The following TDRD9 variants were observed in gnomAD, a reference collection of about 807,000 sequenced individuals.
TDRD9 encodes ATP-dependent RNA helicase TDRD9.
Under a neutral mutation model 172.6 loss-of-function variants are expected in TDRD9, and 124 were observed. The observed-to-expected ratio is 0.72, with a 90% CI of 0.62 to 0.83. The LOEUF is 0.83. Among genes scored for constraint, TDRD9 ranks in the 40% least tolerant of loss-of-function variants. The pLI is 0.00. For synonymous variants in TDRD9, 619 were observed against 617.1 expected (o/e 1.00, Z -0.05); for missense variants, 1,479 against 1,714.1 (o/e 0.86, Z 2.42).
At chr14:103,979,565 C>T (rs2033389057) in intron 7 of TDRD9, among the ~76,000 whole-genome samples, 1 of 152,194 alleles carries the variant, frequency 6.6e-6, no homozygotes, top group South Asian at 2.1e-4. Flanking sequence ...AGAACTCAGT[C>T]TCCCCAAGGG....
chr14:104,014,996 A>G (rs2152230955), intron 21 of TDRD9, among the ~76,000 whole-genome samples, 155 bp downstream of exon 21: 1 of 152,334 alleles, frequency 6.6e-6, no homozygotes, highest in South Asian at 2.1e-4. Flanking sequence ...GGAACCAGGA[A>G]ACATTCTTCT....
chr14:103,975,370 GT>G lies in TDRD9; in HGVS notation c.847-15del. On this transcript the variant is annotated intron_variant, in intron 6 of 35. Transcript: ENST00000409874. ...ATGATTCTCATTGTTTTATTTGAAT[GT>G]TTTCTCTTACTCTGTAGGTGGTCCT... The G allele has an allele frequency of 6.3e-7, 1 of 1,596,000 alleles. No individual in the cohort carries two copies. The highest frequency in any genetic ancestry group is 1.1e-5 in the South Asian group (1 of 88,430).
At chr14:103,984,811 A>G (rs1190273738) in intron 7 of TDRD9, among the ~76,000 whole-genome samples, 1 of 152,180 alleles carries the variant, frequency 6.6e-6, no homozygotes, top group African/African-American at 2.4e-5. Context: ...GAAAAGCTAC[A>G]GACATTCAAT....
intron 1 of TDRD9, among the ~76,000 whole-genome samples, chr14:103,938,436 A>ATTTTTTTTTT (rs1483928412): frequency 1.2e-3 from 48 of 40,544 alleles, no homozygotes; most frequent in African/African-American, 1.5e-3. Flanking sequence ...ATATATATAT[A>ATTTTTTTTTT]TATATTTTTT....
intron 23 of TDRD9, among the ~76,000 whole-genome samples, chr14:104,020,135 C>T (rs1475780986): frequency 6.6e-6 from 1 of 152,208 alleles, no homozygotes; most frequent in Non-Finnish European, 1.5e-5. Flanking sequence ...TTGAGACAGT[C>T]TTCTGGCAGA....
chr14:103,952,213 T>C (rs1484026189), intron 1 of TDRD9, among the ~76,000 whole-genome samples: 13 of 71,692 alleles, frequency 1.8e-4, no homozygotes, highest in Admixed American at 8.5e-4. Flanking sequence ...TATATATATA[T>C]ATATATATTT....
chr14:104,034,616 C>T (rs181913978), intron 31 of TDRD9, among the ~76,000 whole-genome samples: 132 of 152,350 alleles, frequency 8.7e-4, no homozygotes, highest in African/African-American at 3.0e-3. Flanking sequence ...CTGGATCTTT[C>T]ATTCATTCCA....
Position 103,980,373 on chromosome 14 carries a change from G to C in TDRD9, c.1011+4820G>C, listed in dbSNP as rs778329160. On this transcript the variant is annotated intron_variant, in intron 7 of 35. Transcript: ENST00000409874. The surrounding 1 kb of genome is among the most constrained non-coding windows in gnomAD (Gnocchi z 4.5). Reference sequence around the variant, plus strand: ...GGTCATGTGGGTCACGTGTCGACTGGACAGGGGGCCCTTCCCTGCCTGGCA... The same window carrying C: ...GGTCATGTGGGTCACGTGTCGACTGCACAGGGGGCCCTTCCCTGCCTGGCA... Among the ~76,000 whole-genome samples, 2 of 152,158 alleles carry C rather than the reference G, an allele frequency of 1.3e-5. No individual in the cohort carries two copies. Among genetic ancestry groups the C allele is most frequent in the Non-Finnish European group, 2.9e-5 (2 of 68,030 alleles).
intron 2 of TDRD9, among the ~76,000 whole-genome samples, chr14:103,956,123 T>A (rs1297179003): frequency 1.2e-5 from 1 of 80,022 alleles, no homozygotes; most frequent in Non-Finnish European, 2.2e-5. Context: ...TATATATATA[T>A]ATATATATAT....
intron 7 of TDRD9, among the ~76,000 whole-genome samples, chr14:103,977,608 C>A (rs1347712865): frequency 6.7e-6 from 1 of 149,040 alleles, no homozygotes; most frequent in Non-Finnish European, 1.5e-5. Flanking sequence ...TGTTTCCCCC[C>A]ATTCACTCAG....
At chr14:104,030,897 G>A (rs2035262229) in intron 28 of TDRD9, among the ~76,000 whole-genome samples, 1 of 152,154 alleles carries the variant, frequency 6.6e-6, no homozygotes, top group South Asian at 2.1e-4. Context: ...GTTAATGGGT[G>A]CAGCACACCA....
At position 104,026,168 on chromosome 14, in the gene TDRD9, C is replaced by T. The variant is rs1002840591; in HGVS notation, c.3021+32C>T. On this transcript the variant is annotated intron_variant, in intron 27 of 35. Transcript: ENST00000409874. The stretch of plus-strand genomic sequence containing the variant: ...TAGAGAAGACTCTAGGGAATGAATG[C>T]TGCATGCTGGACAGGATTCCTGGGT... The T allele has an allele frequency of 3.6e-6, 5 of 1,403,714 alleles. No homozygotes were observed. In the East Asian group the frequency reaches 1.1e-4, roughly 32 times the overall value. 87.0% of individuals were successfully genotyped at this position (1,403,714 alleles called of 1,614,324 possible).
Position 103,994,518 on chromosome 14 carries a change from G to A in TDRD9, c.1236-1G>A, listed in dbSNP as rs1459984920. The A allele has an allele frequency of 6.2e-7, 1 of 1,613,234 alleles. No individual in the cohort carries two copies. Among genetic ancestry groups the A allele is most frequent in the African/African-American group, 1.3e-5 (1 of 74,854 alleles). On this transcript the variant is annotated splice_acceptor_variant, in intron 10 of 35. Coordinates refer to ENST00000409874, the MANE Select transcript of TDRD9 (RefSeq NM_153046.3). LOFTEE classifies it high-confidence loss of function. ...GAGATTTTATTTTAGTAATTTCTTA[G>A]GTTGCAGGTCTATCCACTCCATTCA...
intron 32 of TDRD9, among the ~76,000 whole-genome samples, chr14:104,036,855 G>A (rs895962031): frequency 1.3e-5 from 2 of 152,184 alleles, no homozygotes; most frequent in Admixed American, 6.5e-5. Flanking sequence ...AAGACTAGTT[G>A]TCTTTGAATC....
At chr14:103,939,676 G>GTTTTTTTTTTTTTTTTTTTTTTTT (rs776078510) in intron 1 of TDRD9, 1 of 36,298 alleles carries the variant, frequency 2.8e-5, no homozygotes, top group Admixed American at 3.5e-4. Flanking sequence ...AAGTTAGGAG[G>GTTTTTTTTTTTTTTTTTTTTTTTT]GTTTTTTTTT....
At chr14:103,964,491 A>C (rs1434347988) in intron 3 of TDRD9, among the ~76,000 whole-genome samples, 1 of 152,112 alleles carries the variant, frequency 6.6e-6, no homozygotes, top group African/African-American at 2.4e-5. Flanking sequence ...TTCCACAGCT[A>C]TCACTAGTTA....
intron 32 of TDRD9, among the ~76,000 whole-genome samples, chr14:104,037,935 G>A (rs929320774): frequency 1.3e-5 from 2 of 152,212 alleles, no homozygotes. Context: ...TCATCATTGT[G>A]TACCTTGTGG....
chr14:104,003,563 A>G (rs1333979512), intron 13 of TDRD9, among the ~76,000 whole-genome samples: 1 of 152,176 alleles, frequency 6.6e-6, no homozygotes, highest in Admixed American at 6.5e-5. Context: ...ATTTCTTTTA[A>G]AGCTGCATTT....
At chr14:104,015,880 C>G in intron 21 of TDRD9, 101 bp from the exon 22 acceptor site, 1 of 777,280 alleles carries the variant, frequency 1.3e-6, no homozygotes, top group South Asian at 2.5e-5. Context: ...CCATCTTTTA[C>G]ATTTATGGAT....
Sources: gnomAD v4.1 joint callset for allele counts (sites outside exome capture counted in the v4.1 genomes callset) on GRCh38, gnomAD v4.1.1 for gene constraint, Gnocchi (gnomAD v3.1) non-coding constraint, MANE v1.5 for transcripts, NCBI Gene and HGNC (gene_info 2026-07-23, HGNC 2026-07-21) for gene names.